Variants in LDLRAD3 observed in about 807,000 individuals in gnomAD.
LDLRAD3 encodes low density lipoprotein receptor class A domain containing 3, also known as low-density lipoprotein receptor class A domain-containing protein 3.
LDLRAD3 carries 20 observed loss-of-function variants against 29.4 expected under a neutral mutation model. The observed-to-expected ratio is 0.68, with a 90% CI of 0.48 to 0.99. The LOEUF (loss-of-function observed/expected upper bound fraction) is 0.99, where lower values mean the gene tolerates loss of function less well. Ranked by LOEUF, LDLRAD3 falls within the 50% of genes least tolerant of loss-of-function variation. LDLRAD3 has a pLI of 0.00. For synonymous variants in LDLRAD3, 157 were observed against 192.7 expected (o/e 0.81, Z 1.53); for missense variants, 420 against 454.3 (o/e 0.92, Z 0.69).
At chr11:36,071,410 C>T (rs1374544466) in intron 2 of LDLRAD3, among the ~76,000 whole-genome samples, 2 of 119,502 alleles carry the variant, frequency 1.7e-5, no homozygotes, top group Non-Finnish European at 3.5e-5. Flanking sequence ...TATACTTTCA[C>T]GAGATAATAT....
At chr11:36,173,893 C>T (rs1456127241) in intron 4 of LDLRAD3, among the ~76,000 whole-genome samples, 1 of 152,136 alleles carries the variant, frequency 6.6e-6, no homozygotes, top group Non-Finnish European at 1.5e-5. Flanking sequence ...TAAAAAAGAA[C>T]CTGCATTGCC....
chr11:36,122,947 G>GA (rs1853781022), intron 4 of LDLRAD3, among the ~76,000 whole-genome samples: 1 of 152,164 alleles, frequency 6.6e-6, no homozygotes. Flanking sequence ...AAGCTGAGGT[G>GA]GGAGGATTGT....
At chr11:36,156,996 C>T (rs1460286855) in intron 4 of LDLRAD3, among the ~76,000 whole-genome samples, 1 of 152,202 alleles carries the variant, frequency 6.6e-6, no homozygotes, top group Non-Finnish European at 1.5e-5. Context: ...CAGATCTCCT[C>T]TGGGGCACTG....
Position 36,204,590 on chromosome 11 carries a change from C to T in LDLRAD3, c.455-22495C>T, listed in dbSNP as rs144945950. On this transcript the variant is annotated intron_variant, in intron 4 of 5. Coordinates refer to ENST00000315571, the MANE Select transcript of LDLRAD3 (RefSeq NM_174902.4). ...GCAACCTCCACCTCCCGGGTTTAAGCGATTCTGCTGCCTCAGCCTCCTGAG... is the reference window on the plus strand; with the variant it reads ...GCAACCTCCACCTCCCGGGTTTAAGTGATTCTGCTGCCTCAGCCTCCTGAG... 8.4e-3 allele frequency among the ~76,000 whole-genome samples: 1,269 copies of T among 151,554 alleles called. 23 individuals carry two copies. The highest frequency in any genetic ancestry group is 0.029 in the African/African-American group (1,206 of 41,288).
intron 2 of LDLRAD3, among the ~76,000 whole-genome samples, chr11:36,056,985 A>G (rs1235971007): frequency 2.6e-5 from 4 of 151,594 alleles, no homozygotes; most frequent in Admixed American, 6.6e-5. Flanking sequence ...ATTTCAAACA[A>G]CCCCCCAGGT....
At chr11:36,102,090 G>A (rs12418681) in intron 4 of LDLRAD3, 2,107 of 192,210 alleles carry the variant, frequency 0.011, 16 homozygotes, top group African/African-American at 0.025. Context: ...GGGTTTCACC[G>A]TCTTAGCCAG....
intron 3 of LDLRAD3, among the ~76,000 whole-genome samples, chr11:36,092,768 G>A (rs1853302498): frequency 6.6e-6 from 1 of 152,224 alleles, no homozygotes; most frequent in African/African-American, 2.4e-5. Context: ...TTACGTAAAT[G>A]GAGAAGCCAT....
chr11:35,985,470 A>G lies in LDLRAD3; in HGVS notation c.46+41326A>G, dbSNP rs527724209. ...ATGGTAGGCTGAAACTCTGCCCTGGAGCCTTTTAGTACCTGGGCTCTAGTC... is the reference window on the plus strand; with the variant it reads ...ATGGTAGGCTGAAACTCTGCCCTGGGGCCTTTTAGTACCTGGGCTCTAGTC... On this transcript the variant is annotated intron_variant, in intron 1 of 5. Coordinates refer to ENST00000315571, the MANE Select transcript of LDLRAD3 (RefSeq NM_174902.4). Among the ~76,000 whole-genome samples, 5 of 152,132 alleles carry G rather than the reference A, an allele frequency of 3.3e-5. No individual in the cohort carries two copies. In the East Asian group the frequency reaches 9.7e-4, roughly 29 times the overall value.
chr11:36,008,732 G>C (rs768290328), intron 1 of LDLRAD3, among the ~76,000 whole-genome samples: 10 of 152,180 alleles, frequency 6.6e-5, no homozygotes, highest in Non-Finnish European at 1.2e-4. Context: ...TGAGGTCTTT[G>C]TTTTGTCTTC....
At chr11:35,979,639 G>A (rs897207530) in intron 1 of LDLRAD3, among the ~76,000 whole-genome samples, 1 of 152,176 alleles carries the variant, frequency 6.6e-6, no homozygotes, top group African/African-American at 2.4e-5. Context: ...GTTTTAGGTT[G>A]TTGGAGTTTA....
Position 36,098,493 on chromosome 11 carries a change from T to G in LDLRAD3, c.454+32T>G, listed in dbSNP as rs373533104. The G allele has an allele frequency of 1.9e-6, 3 of 1,613,022 alleles. No homozygotes were observed. In the Admixed American group the frequency reaches 5.0e-5, roughly 27 times the overall value. ...ACCTCTCAAGCTCTAAAAAGATAATTGCAACACAACACTGCAGTAATGGAA... is the reference window on the plus strand; with the variant it reads ...ACCTCTCAAGCTCTAAAAAGATAATGGCAACACAACACTGCAGTAATGGAA... On this transcript the variant is annotated intron_variant, in intron 4 of 5. Coordinates refer to ENST00000315571, the MANE Select transcript of LDLRAD3 (RefSeq NM_174902.4).
At chr11:35,964,151 C>T (rs1169833635) in intron 1 of LDLRAD3, among the ~76,000 whole-genome samples, 1 of 152,184 alleles carries the variant, frequency 6.6e-6, no homozygotes, top group Non-Finnish European at 1.5e-5. Flanking sequence ...GAAGATAAAA[C>T]TAGAAAGAGG....
rs563195761 is a variant in LDLRAD3, at chr11:36,102,497, C to T, written c.454+4036C>T. ...CAACACCAGTTTATGGGAGCCCCTC[C>T]TCCTCTCTCTCCTTATCTGGGATTT... On this transcript the variant is annotated intron_variant, in intron 4 of 5. Coordinates refer to ENST00000315571, the MANE Select transcript of LDLRAD3 (RefSeq NM_174902.4). Among the ~76,000 whole-genome samples the T allele has an allele frequency of 3.5e-5, 5 of 144,022 alleles. No homozygotes were observed. In the South Asian group the frequency reaches 1.1e-3, roughly 32 times the overall value. 94.5% of individuals were successfully genotyped at this position (144,022 alleles called of 152,430 possible).
chr11:36,223,382 T>C (rs1416975497), intron 4 of LDLRAD3, among the ~76,000 whole-genome samples: 1 of 152,192 alleles, frequency 6.6e-6, no homozygotes, highest in African/African-American at 2.4e-5. Context: ...TTTTAAAATC[T>C]CTGGACCATT....
chr11:36,053,135 G>A (rs1473393467), intron 2 of LDLRAD3, among the ~76,000 whole-genome samples: 1 of 152,106 alleles, frequency 6.6e-6, no homozygotes, highest in Non-Finnish European at 1.5e-5. Context: ...AGTCTATTTT[G>A]TAAAAAATAT....
intron 1 of LDLRAD3, among the ~76,000 whole-genome samples, chr11:35,987,240 C>G (rs1013005567): frequency 2.0e-5 from 3 of 152,142 alleles, no homozygotes; most frequent in Admixed American, 1.3e-4. Context: ...TTTTAGGGAT[C>G]ATCTTTTTAA....
chr11:36,082,945 T>C (rs1853138151), intron 3 of LDLRAD3, among the ~76,000 whole-genome samples: 1 of 152,236 alleles, frequency 6.6e-6, no homozygotes, highest in African/African-American at 2.4e-5. Context: ...TTAGACTACT[T>C]GAGCATTCAT....
chr11:36,097,601 T>G (rs72939712), intron 3 of LDLRAD3, among the ~76,000 whole-genome samples: 4,517 of 151,962 alleles, frequency 0.03, 92 homozygotes, highest in Admixed American at 0.058. Flanking sequence ...ACCAGAGACT[T>G]GGAAGGGTGA....
At chr11:36,099,949 C>T (rs540580409) in intron 4 of LDLRAD3, among the ~76,000 whole-genome samples, 61 of 152,276 alleles carry the variant, frequency 4.0e-4, no homozygotes, top group Admixed American at 1.1e-3. Flanking sequence ...TGGGTCGACT[C>T]TTCACAGTGG....
Sources: gnomAD v4.1 joint callset for allele counts (sites outside exome capture counted in the v4.1 genomes callset) on GRCh38, gnomAD v4.1.1 for gene constraint, MANE v1.5 for transcripts, NCBI Gene and HGNC (gene_info 2026-07-23, HGNC 2026-07-21) for gene names.